The following PRKD3 variants were observed in gnomAD, a reference collection of about 807,000 sequenced individuals.
PRKD3 encodes the protein serine/threonine-protein kinase D3.
PRKD3 carries 47 observed loss-of-function variants against 99.2 expected under a neutral mutation model. The ratio of observed to expected loss-of-function variants is 0.47; its 90% CI spans 0.38 to 0.60. The LOEUF is 0.60. Ranked by LOEUF, PRKD3 falls within the 20% of genes least tolerant of loss-of-function variation. PRKD3 has a pLI of 0.00. For synonymous variants in PRKD3, 392 were observed against 355.4 expected, an observed-to-expected ratio of 1.10 and a Z score of -1.16; for missense variants, 1,019 against 1,088.4, an observed-to-expected ratio of 0.94 and a Z score of 0.90.
chr2:37,264,505 TA>T (rs1485951303), intron 14 of PRKD3, among the ~76,000 whole-genome samples: 1 of 84,024 alleles, frequency 1.2e-5, no homozygotes, highest in Non-Finnish European at 2.3e-5. Flanking sequence ...GAAAAAGAGT[TA>T]AGGTAGGGGA....
At position 37,251,324 on chromosome 2, in the gene PRKD3, G is replaced by A. The variant is rs1318037626; in HGVS notation, c.*1853C>T. 1 of 152,444 alleles carries A rather than the reference G, an allele frequency of 6.6e-6. No homozygotes were observed. Among genetic ancestry groups the A allele is most frequent in the Non-Finnish European group, 1.5e-5 (1 of 67,998 alleles). 9.4% of individuals were successfully genotyped at this position (152,444 alleles called of 1,614,324 possible). On this transcript the variant is annotated 3_prime_UTR_variant, in exon 19 of 19. Transcript: ENST00000234179. Reference sequence around the variant, plus strand: ...GATAGTACAGCATAATGGTTGGGAGGGCTAAGGGTAAGATTAGAGCCATAC... The same window carrying A: ...GATAGTACAGCATAATGGTTGGGAGAGCTAAGGGTAAGATTAGAGCCATAC...
In PRKD3 at chr2:37,295,400, G is replaced by C. The variant is rs371993246; in HGVS notation, c.289-2129C>G. Among the ~76,000 whole-genome samples the C allele has an allele frequency of 3.7e-4, 56 of 152,300 alleles. 1 individual carries two copies. The South Asian group carries it at 0.011, about 29-fold the overall frequency. On this transcript the variant is annotated intron_variant, in intron 2 of 18. Transcript: ENST00000234179. Reference sequence around the variant, plus strand: ...AAAAAAGAGAAGCAGAGTTTCCATAGGTTGAAAGTGTAAGCATCATCAATG... The same window carrying C: ...AAAAAAGAGAAGCAGAGTTTCCATACGTTGAAAGTGTAAGCATCATCAATG...
rs533486262 is a variant in PRKD3, at chr2:37,294,432, T to A, written c.289-1161A>T. On this transcript the variant is annotated intron_variant, in intron 2 of 18. Transcript: ENST00000234179. ...TTTTTAAAGTTAAATTAAAAAAAAA[T>A]TAAAAACAATGATTAATTAGAAAGT... 3.3e-5 allele frequency among the ~76,000 whole-genome samples: 5 copies of A among 152,036 alleles called. No individual in the cohort carries two copies. In the South Asian group the frequency reaches 6.2e-4, roughly 19 times the overall value.
At chr2:37,308,517 A>ACCCACCCCCACCCCCCTCCCTCCCCCC (rs1671266293) in intron 2 of PRKD3, among the ~76,000 whole-genome samples, 1 of 37,680 alleles carries the variant, frequency 2.7e-5, no homozygotes, top group Non-Finnish European at 6.0e-5. Context: ...CTCTGCCACC[A>ACCCACCCCCACCCCCCTCCCTCCCCCC]CCCACCCCCA....
intron 16 of PRKD3, 53 bp downstream of exon 16, chr2:37,259,530 G>A: frequency 1.5e-6 from 2 of 1,375,750 alleles, no homozygotes; most frequent in Non-Finnish European, 2.1e-6. Context: ...TATTATGTGG[G>A]TGCTTTGAAA....
At position 37,286,229 on chromosome 2, in the gene PRKD3, C is replaced by T. The variant is rs1670087765; in HGVS notation, c.858G>A (p.Gln286=). Residue 286 remains glutamine, a synonymous_variant, in exon 6 of 19, where the codon CAG becomes CAA. Transcript: ENST00000234179. ...VHSYTRPTIC[Q]YCKRLLKGLF... ...GGCCTTTCAGTAACCGCTTGCAGTACTGACATATCGTGGGACGGGTGTAAG... is the reference window on the plus strand; with the variant it reads ...GGCCTTTCAGTAACCGCTTGCAGTATTGACATATCGTGGGACGGGTGTAAG... 6.2e-7 allele frequency: 1 copy of T among 1,613,944 alleles called. No individual in the cohort carries two copies. Among genetic ancestry groups the T allele is most frequent in the Non-Finnish European group, 8.5e-7 (1 of 1,179,948 alleles).
At chr2:37,291,464 A>G (rs941548964) in intron 3 of PRKD3, among the ~76,000 whole-genome samples, 2 of 152,246 alleles carry the variant, frequency 1.3e-5, no homozygotes, top group African/African-American at 4.8e-5. Context: ...GATATGAGAA[A>G]GAAACTCCTT....
Position 37,290,875 on chromosome 2 carries a change from T to TAA in PRKD3, c.551_552insTT (p.Lys184AsnfsTer8). ...AAATTTTAGAACACACACCTTCACA[T>TAA]TTCAGTCCTTGACGTACCAATCCCC... On this transcript the variant is annotated frameshift_variant, in exon 4 of 19. Coordinates refer to ENST00000234179, the MANE Select transcript of PRKD3 (RefSeq NM_005813.6). LOFTEE classifies it high-confidence loss of function. 1 of 1,591,370 alleles carries TAA rather than the reference T, an allele frequency of 6.3e-7. No individual in the cohort carries two copies. Among genetic ancestry groups the TAA allele is most frequent in the Non-Finnish European group, 8.6e-7 (1 of 1,168,890 alleles).
intron 2 of PRKD3, among the ~76,000 whole-genome samples, chr2:37,305,165 G>GGT (rs1671103325): frequency 1.3e-5 from 2 of 152,076 alleles, no homozygotes; most frequent in African/African-American, 4.8e-5. Context: ...ATACAGCTGG[G>GGT]GTGTTCAGTG....
At chr2:37,255,116 A>T (rs1016579507) in intron 17 of PRKD3, among the ~76,000 whole-genome samples, 2 of 152,240 alleles carry the variant, frequency 1.3e-5, no homozygotes, top group African/African-American at 4.8e-5. Flanking sequence ...CTGATAGAAG[A>T]GGTCTACAGA....
At chr2:37,269,555 T>G in intron 13 of PRKD3, 60 bp downstream of exon 13, 1 of 1,441,826 alleles carries the variant, frequency 6.9e-7, no homozygotes, top group Non-Finnish European at 9.8e-7. Flanking sequence ...TGGCAGATGT[T>G]TTACATTTTC....
chr2:37,286,114 T>C (rs1467435893), intron 6 of PRKD3, 63 bp downstream of exon 6: 1 of 1,282,340 alleles, frequency 7.8e-7, no homozygotes, highest in African/African-American at 1.5e-5. Flanking sequence ...ATAAATATTT[T>C]AAGCCTATAT....
intron 2 of PRKD3, among the ~76,000 whole-genome samples, chr2:37,306,084 T>C (rs1430257621): frequency 6.7e-6 from 1 of 148,818 alleles, no homozygotes; most frequent in African/African-American, 2.5e-5. Flanking sequence ...TTTTTTTTTT[T>C]AAACATACTA....
At chr2:37,275,091 A>G (rs1669499416) in intron 10 of PRKD3, among the ~76,000 whole-genome samples, 1 of 152,184 alleles carries the variant, frequency 6.6e-6, no homozygotes, top group Non-Finnish European at 1.5e-5. Flanking sequence ...ATGGCAGAAA[A>G]AGCAGAATCT....
chr2:37,306,005 T>A (rs1011484135), intron 2 of PRKD3, among the ~76,000 whole-genome samples: 1 of 151,874 alleles, frequency 6.6e-6, no homozygotes, highest in African/African-American at 2.4e-5. Context: ...AACCCAGGTG[T>A]CTCTCCTTGA....
chr2:37,277,849 T>G lies in PRKD3; in HGVS notation c.1296+17A>C. 1 of 1,607,884 alleles carries G rather than the reference T, an allele frequency of 6.2e-7. No homozygotes were observed. On this transcript the variant is annotated intron_variant, in intron 9 of 18. Coordinates refer to ENST00000234179, the MANE Select transcript of PRKD3 (RefSeq NM_005813.6). Reference sequence around the variant, plus strand: ...ACAAAGTCTTACTAGCATATTCAAATGTATTTGATTACTGACCAGGTTATC... The same window carrying G: ...ACAAAGTCTTACTAGCATATTCAAAGGTATTTGATTACTGACCAGGTTATC...
chr2:37,272,574 T>G, intron 11 of PRKD3, 142 bp from the exon 12 acceptor site: 1 of 1,072,540 alleles, frequency 9.3e-7, no homozygotes, highest in South Asian at 1.9e-5. Context: ...AATCTACACA[T>G]ACAACCCATC....
chr2:37,303,442 T>A (rs569156451), intron 2 of PRKD3, among the ~76,000 whole-genome samples: 1 of 152,104 alleles, frequency 6.6e-6, no homozygotes. Flanking sequence ...CTGCTGTCCA[T>A]GGATGGCAGA....
chr2:37,298,338 C>G (rs1256092524), intron 2 of PRKD3, among the ~76,000 whole-genome samples: 1 of 151,308 alleles, frequency 6.6e-6, no homozygotes, highest in African/African-American at 2.4e-5. Context: ...AATGGCAGCA[C>G]ACTATAAACA....
Sources: gnomAD v4.1 joint callset for allele counts (sites outside exome capture counted in the v4.1 genomes callset) on GRCh38, gnomAD v4.1.1 for gene constraint, MANE v1.5 for transcripts, NCBI Gene and HGNC (gene_info 2026-07-23, HGNC 2026-07-21) for gene names.